Variants in SYNDIG1 observed in about 807,000 individuals in gnomAD.
The protein encoded by SYNDIG1 is synapse differentiation-inducing gene protein 1.
Under a neutral mutation model 19.4 loss-of-function variants are expected in SYNDIG1, and 9 were observed. The ratio of observed to expected loss-of-function variants is 0.46; its 90% CI spans 0.28 to 0.81. The LOEUF is 0.81. SYNDIG1 is among the 30% of genes least tolerant of loss of function. The pLI is 0.12. For synonymous variants in SYNDIG1, 141 were observed against 145.9 expected (o/e 0.97, Z 0.24); for missense variants, 311 against 343.3 (o/e 0.91, Z 0.74).
At chr20:24,497,349 TA>T (rs1452418189) in intron 1 of SYNDIG1, among the ~76,000 whole-genome samples, 5 of 152,074 alleles carry the variant, frequency 3.3e-5, no homozygotes, top group Non-Finnish European at 5.9e-5. Flanking sequence ...TACAGGTGTG[TA>T]CCACCAAGCC....
At chr20:24,608,962 A>G (rs894053679) in intron 3 of SYNDIG1, among the ~76,000 whole-genome samples, 1 of 152,222 alleles carries the variant, frequency 6.6e-6, no homozygotes, top group African/African-American at 2.4e-5. Flanking sequence ...GTGCAAGCCA[A>G]ACCTACAGAT....
At chr20:24,643,677 C>T (rs141726332) in intron 3 of SYNDIG1, among the ~76,000 whole-genome samples, 33 of 152,310 alleles carry the variant, frequency 2.2e-4, no homozygotes, top group African/African-American at 7.7e-4. Context: ...CCTGGCATCC[C>T]CTGACTTCCT....
chr20:24,553,375 A>G (rs1198776030), intron 2 of SYNDIG1, among the ~76,000 whole-genome samples: 2 of 152,184 alleles, frequency 1.3e-5, no homozygotes, highest in Non-Finnish European at 1.5e-5. Context: ...TTAGACATGA[A>G]GTCCTTGCCC....
At chr20:24,536,580 T>C (rs1234955243) in intron 1 of SYNDIG1, among the ~76,000 whole-genome samples, 2 of 152,034 alleles carry the variant, frequency 1.3e-5, no homozygotes, top group Non-Finnish European at 2.9e-5. Context: ...TTCCTAAATA[T>C]CCTCCGGGTT....
chr20:24,494,270 C>T (rs1378308588), intron 1 of SYNDIG1, among the ~76,000 whole-genome samples: 2 of 152,142 alleles, frequency 1.3e-5, no homozygotes, highest in South Asian at 4.1e-4. Flanking sequence ...GAGGATTGAG[C>T]GCACAGTGTC....
chr20:24,664,310 C>A (rs76418820), intron 3 of SYNDIG1, among the ~76,000 whole-genome samples: 2 of 152,018 alleles, frequency 1.3e-5, no homozygotes, highest in Non-Finnish European at 2.9e-5. Flanking sequence ...AATGACATGC[C>A]GACTCCCATA....
chr20:24,491,854 G>A (rs1282583959), intron 1 of SYNDIG1: 3 of 152,164 alleles, frequency 2.0e-5, no homozygotes, highest in Admixed American at 6.5e-5. Flanking sequence ...AAAACAAAAT[G>A]GAAAATGAGG....
intron 2 of SYNDIG1, among the ~76,000 whole-genome samples, chr20:24,582,814 C>G (rs1056625144): frequency 2.0e-5 from 3 of 152,224 alleles, no homozygotes; most frequent in African/African-American, 7.2e-5. Context: ...GGCTTCGCAG[C>G]CCCAGACACA....
chr20:24,640,523 AAGGAAGG>A (rs2059365863), intron 3 of SYNDIG1, among the ~76,000 whole-genome samples: 2 of 111,468 alleles, frequency 1.8e-5, no homozygotes, highest in Admixed American at 9.7e-5. Context: ...GGAAGGAAGG[AAGGAAGG>A]AGCTTTTCTT....
intron 3 of SYNDIG1, among the ~76,000 whole-genome samples, chr20:24,645,476 G>A (rs1006342590): frequency 1.2e-4 from 18 of 152,206 alleles, no homozygotes; most frequent in Admixed American, 3.9e-4. Context: ...GGCTCTCACT[G>A]AAACAGCTCA....
chr20:24,607,018 C>T (rs985058852), intron 3 of SYNDIG1, among the ~76,000 whole-genome samples: 2 of 152,172 alleles, frequency 1.3e-5, no homozygotes, highest in Non-Finnish European at 2.9e-5. Flanking sequence ...TCTTTCCACT[C>T]ATTTGGCCTT....
intron 1 of SYNDIG1, among the ~76,000 whole-genome samples, chr20:24,481,390 A>G (rs1000200859): frequency 1.3e-5 from 2 of 152,200 alleles, no homozygotes; most frequent in Non-Finnish European, 2.9e-5. Context: ...AGCCTGGACC[A>G]GGAGCACCTA....
chr20:24,615,282 T>C (rs563110556), intron 3 of SYNDIG1, among the ~76,000 whole-genome samples: 47 of 152,286 alleles, frequency 3.1e-4, no homozygotes, highest in East Asian at 5.8e-4. Context: ...GTTACTCCAA[T>C]GTTGCAGGAA....
chr20:24,625,951 C>T (rs1269598433), intron 3 of SYNDIG1, among the ~76,000 whole-genome samples: 16 of 148,992 alleles, frequency 1.1e-4, no homozygotes, highest in Non-Finnish European at 2.1e-4. Context: ...CGGGCAGAGG[C>T]GCCCCTCACC....
At chr20:24,524,256 C>T (rs1397493985) in intron 1 of SYNDIG1, among the ~76,000 whole-genome samples, 4 of 152,190 alleles carry the variant, frequency 2.6e-5, no homozygotes, top group Non-Finnish European at 4.4e-5. Flanking sequence ...TGGCCATCTG[C>T]GGGCTCCAAA....
rs1453083173 is a variant in SYNDIG1 at position 24,546,638 on chromosome 20, G to A, written c.480+3061G>A. On this transcript the variant is annotated intron_variant, in intron 2 of 3. Transcript: ENST00000376862. ...TCAAGTCTTTGCCTGTGTCCTGCAT[G>A]TTACTATCTCATTGACCAGAGCAGG... Among the ~76,000 whole-genome samples, 9 of 152,334 alleles carry A rather than the reference G, an allele frequency of 5.9e-5. No homozygotes were observed. In the East Asian group the frequency reaches 1.7e-3, roughly 29 times the overall value.
intron 1 of SYNDIG1, among the ~76,000 whole-genome samples, chr20:24,490,443 T>G (rs1253197414): frequency 6.6e-6 from 1 of 152,166 alleles, no homozygotes. Context: ...GGTTTGGGGC[T>G]GGAGTGGGCA....
intron 3 of SYNDIG1, among the ~76,000 whole-genome samples, chr20:24,661,295 G>A (rs1485143724): frequency 7.2e-6 from 1 of 138,368 alleles, no homozygotes; most frequent in Non-Finnish European, 1.6e-5. Flanking sequence ...GCAGAAGAAA[G>A]AAGGAGGGAG....
chr20:24,589,261 A>G (rs6083563), intron 3 of SYNDIG1, among the ~76,000 whole-genome samples: 24,304 of 152,192 alleles, frequency 0.16, 2,369 homozygotes, highest in Middle Eastern at 0.28. Context: ...TATTATCTCC[A>G]TTTTACAGAT....
Sources: allele counts gnomAD v4.1 joint callset (sites outside exome capture counted in the v4.1 genomes callset), GRCh38; gene constraint gnomAD v4.1.1; transcripts MANE v1.5; gene names NCBI Gene and HGNC (gene_info 2026-07-23, HGNC 2026-07-21).